PARD3B: variants seen among roughly 807,000 people sequenced by gnomAD.
PARD3B encodes par-3 family cell polarity regulator beta.
In PARD3B, 103 loss-of-function variants were observed where a neutral mutation model predicts 130.2. That is an observed-to-expected ratio of 0.79 (90% CI 0.67 to 0.93). The LOEUF (loss-of-function observed/expected upper bound fraction) is 0.93. Ranked by LOEUF, PARD3B falls within the 40% of genes least tolerant of loss-of-function variation. The probability of loss-of-function intolerance (pLI) is 0.00; values close to 1 mark genes in which losing one functional copy is unlikely to be tolerated. For synonymous variants in PARD3B, 583 were observed against 553.2 expected, an observed-to-expected ratio of 1.05 and a Z score of -0.76; for missense variants, 1,609 against 1,499.2, an observed-to-expected ratio of 1.07 and a Z score of -1.21.
chr2:204,883,396 AT>A, intron 2 of PARD3B, among the ~76,000 whole-genome samples: 1 of 137,232 alleles, frequency 7.3e-6, no homozygotes, highest in East Asian at 2.0e-4. Flanking sequence ...ATGTGTATGT[AT>A]ATATATATTA....
intron 1 of PARD3B, among the ~76,000 whole-genome samples, chr2:204,546,950 A>G (rs566860514): frequency 1.8e-3 from 269 of 152,328 alleles, no homozygotes; most frequent in Non-Finnish European, 2.9e-3. Context: ...TCCTCAGTGA[A>G]ACTTTTAAAG....
chr2:205,203,679 A>T (rs150109092), intron 15 of PARD3B, among the ~76,000 whole-genome samples: 4 of 152,106 alleles, frequency 2.6e-5, no homozygotes, highest in African/African-American at 7.2e-5. Flanking sequence ...TTCAACTGCC[A>T]CTTATGAGTG....
intron 21 of PARD3B, among the ~76,000 whole-genome samples, chr2:205,507,387 T>C (rs988063231): frequency 5.3e-5 from 8 of 151,796 alleles, no homozygotes; most frequent in Non-Finnish European, 7.4e-5. Flanking sequence ...GCTAATTTTT[T>C]GTATTTTTAG....
At chr2:204,743,688 C>G (rs370028146) in intron 2 of PARD3B, among the ~76,000 whole-genome samples, 18 of 151,908 alleles carry the variant, frequency 1.2e-4, no homozygotes, top group African/African-American at 4.1e-4. Context: ...TTTTTTTCCA[C>G]TTACATATAC....
chr2:205,264,535 G>A (rs116672762), intron 16 of PARD3B, among the ~76,000 whole-genome samples: 3,777 of 151,076 alleles, frequency 0.025, 165 homozygotes, highest in Non-Finnish European at 0.037. Flanking sequence ...ACAGAAAAAT[G>A]AGATCTTTGT....
At chr2:204,821,913 AAAAC>A (rs1401847459) in intron 2 of PARD3B, among the ~76,000 whole-genome samples, 1 of 151,926 alleles carries the variant, frequency 6.6e-6, no homozygotes, top group Non-Finnish European at 1.5e-5. Context: ...CAGCAGCGTG[AAAAC>A]AAACTAATGC....
At chr2:204,713,374 C>A (rs568227873) in intron 2 of PARD3B, among the ~76,000 whole-genome samples, 36 of 144,462 alleles carry the variant, frequency 2.5e-4, no homozygotes, top group Non-Finnish European at 5.0e-4. Context: ...TCCATTTCAT[C>A]CCAATAAAAA....
intron 1 of PARD3B, among the ~76,000 whole-genome samples, chr2:204,598,230 A>C (rs1021557590): frequency 6.6e-6 from 1 of 152,080 alleles, no homozygotes; most frequent in African/African-American, 2.4e-5. Flanking sequence ...TTTATTTGTG[A>C]ATTTAAAAAA....
intron 1 of PARD3B, among the ~76,000 whole-genome samples, chr2:204,602,551 A>G (rs1005755018): frequency 6.6e-6 from 1 of 152,128 alleles, no homozygotes; most frequent in African/African-American, 2.4e-5. Flanking sequence ...AGTTTAGGTC[A>G]GAGCCTTGTA....
At chr2:205,120,426 A>G (rs1026789639) in intron 7 of PARD3B, among the ~76,000 whole-genome samples, 9 of 152,342 alleles carry the variant, frequency 5.9e-5, no homozygotes, top group African/African-American at 2.2e-4. Flanking sequence ...TGCAGAATTA[A>G]GCACTTCAGA....
intron 22 of PARD3B, among the ~76,000 whole-genome samples, chr2:205,583,824 C>T (rs1034216617): frequency 6.6e-6 from 1 of 152,170 alleles, no homozygotes; most frequent in African/African-American, 2.4e-5. Context: ...CTTACATCCC[C>T]CTCTTCCACC....
intron 22 of PARD3B, among the ~76,000 whole-genome samples, chr2:205,588,118 G>A (rs1175614025): frequency 6.6e-6 from 1 of 152,182 alleles, no homozygotes; most frequent in Non-Finnish European, 1.5e-5. Context: ...TCACTGTGAA[G>A]GTGTCAGAAA....
intron 22 of PARD3B, among the ~76,000 whole-genome samples, chr2:205,609,541 A>G (rs1397816595): frequency 1.3e-5 from 2 of 152,136 alleles, no homozygotes; most frequent in Non-Finnish European, 2.9e-5. Flanking sequence ...GAAACCCATA[A>G]AGGCTACTTT....
At chr2:205,495,589 G>A (rs2049895742) in intron 20 of PARD3B, among the ~76,000 whole-genome samples, 1 of 152,146 alleles carries the variant, frequency 6.6e-6, no homozygotes. Context: ...TAAATTCCAT[G>A]AAGCAAGGAA....
chr2:205,310,406 T>G (rs1345481853), intron 18 of PARD3B, among the ~76,000 whole-genome samples: 1 of 152,130 alleles, frequency 6.6e-6, no homozygotes, highest in Non-Finnish European at 1.5e-5. Context: ...TGTTTTTAAC[T>G]GTAGTCACCA....
At chr2:205,259,620 A>C (rs925239316) in intron 16 of PARD3B, among the ~76,000 whole-genome samples, 4 of 152,166 alleles carry the variant, frequency 2.6e-5, no homozygotes, top group Non-Finnish European at 5.9e-5. Flanking sequence ...CTTCTGGGAT[A>C]TTATGGCTGT....
rs2051272330 is a variant in PARD3B at position 205,525,009 on chromosome 2, A to G, written c.3180+24978A>G. ...TTATTCAGAATTTGATACCCATCAA[A>G]ACACTTAAACCTCGCCAGAATAAGA... is the stretch of plus-strand genomic sequence containing the variant. On this transcript the variant is annotated intron_variant, in intron 21 of 22. Coordinates refer to ENST00000406610, the MANE Select transcript of PARD3B (RefSeq NM_001302769.2). This position sits in a 1 kb window ranked among gnomAD's most constrained non-coding sequence, Gnocchi z 4.2. 6.6e-6 allele frequency among the ~76,000 whole-genome samples: 1 copy of G among 152,202 alleles called. No individual in the cohort carries two copies. Among genetic ancestry groups the G allele is most frequent in the Non-Finnish European group, 1.5e-5 (1 of 68,028 alleles).
chr2:204,858,638 T>C (rs2045055328), intron 2 of PARD3B, among the ~76,000 whole-genome samples: 2 of 151,208 alleles, frequency 1.3e-5, no homozygotes, highest in South Asian at 4.2e-4. Flanking sequence ...GTATTTACGA[T>C]TTTTGCTAAA....
At chr2:205,506,747 C>T (rs980790409) in intron 21 of PARD3B, among the ~76,000 whole-genome samples, 12 of 152,154 alleles carry the variant, frequency 7.9e-5, no homozygotes, top group African/African-American at 2.9e-4. Flanking sequence ...CTTGTCTCCT[C>T]CTTAAAAGCA....
Sources: gnomAD v4.1 joint callset for allele counts (sites outside exome capture counted in the v4.1 genomes callset) on GRCh38, gnomAD v4.1.1 for gene constraint, Gnocchi (gnomAD v3.1) non-coding constraint, MANE v1.5 for transcripts, NCBI Gene and HGNC (gene_info 2026-07-23, HGNC 2026-07-21) for gene names.